Variants in PLEC observed in about 807,000 individuals in gnomAD.
The protein encoded by PLEC is hemidesmosomal protein 1.
Under a neutral mutation model 392.8 loss-of-function variants are expected in PLEC, and 216 were observed. That is an observed-to-expected ratio of 0.55 (90% CI 0.49 to 0.62). PLEC has a LOEUF of 0.62. Among genes scored for constraint, PLEC ranks in the 20% least tolerant of loss-of-function variants. PLEC has a pLI of 0.00. For synonymous variants in PLEC, 3,621 were observed against 2,980.6 expected, an observed-to-expected ratio of 1.21 and a Z score of -7.00; for missense variants, 6,863 against 6,563.4, an observed-to-expected ratio of 1.05 and a Z score of -1.58.
At chr8:143,933,723 C>A (rs1170819610) in intron 12 of PLEC, among the ~76,000 whole-genome samples, 7 of 152,342 alleles carry the variant, frequency 4.6e-5, no homozygotes, top group Non-Finnish European at 5.9e-5. Context: ...AACAGTAAGC[C>A]GCTGTCGGGG....
At chr8:143,954,168 T>C (rs1405584060), upstream of PLEC, among the ~76,000 whole-genome samples, 2 of 151,948 alleles carry the variant, frequency 1.3e-5, no homozygotes, top group East Asian at 1.9e-4. The surrounding 1 kb of genome is among the most constrained non-coding windows in gnomAD (Gnocchi z 4.6). Context: ...GCGAGGGCCT[T>C]GAAGCCGTTA....
At chr8:143,926,640 G>A in intron 30 of PLEC, 144 bp downstream of exon 30, 1 of 771,554 alleles carries the variant, frequency 1.3e-6, no homozygotes, top group Non-Finnish European at 2.3e-6. Context: ...AGGCTGAGCT[G>A]GGGGCAGGGG....
At chr8:143,948,487 C>T (rs1157364977) in intron 1 of PLEC, among the ~76,000 whole-genome samples, 1 of 152,190 alleles carries the variant, frequency 6.6e-6, no homozygotes, top group Non-Finnish European at 1.5e-5. Context: ...CACATCCGAG[C>T]CGCCTCCTTC....
In PLEC at chr8:143,924,645, C is replaced by A. The variant is rs886044802; in HGVS notation, c.5284G>T (p.Ala1762Ser). Residue 1762 changes from alanine to serine, a missense_variant, in exon 31 of 32, where the codon GCC (alanine) becomes TCC (serine). Coordinates refer to ENST00000345136, the MANE Select transcript of PLEC (RefSeq NM_201384.3). The part of the protein sequence containing the change: ...ELEAELAKVR[A>S]EMEVLLASKA... ...CTGGCCAGCAGCACCTCCATCTCGGCCCGCACCTTGGCCAGCTCGGCTTCC... is the reference window on the plus strand; with the variant it reads ...CTGGCCAGCAGCACCTCCATCTCGGACCGCACCTTGGCCAGCTCGGCTTCC... 3 of 1,537,768 alleles carry A rather than the reference C, an allele frequency of 2.0e-6. No homozygotes were observed. The Admixed American group carries it at 5.8e-5, about 30-fold the overall frequency.
rs782504063 is a variant in PLEC, at chr8:143,920,590, G to C, written c.9231C>G (p.Thr3077=). ...IIDPATSARL[T]VDEAVRAGLV... The stretch of plus-strand genomic sequence containing the variant: ...GGCCAGCACGCACTGCCTCGTCCAC[G>C]GTCAGCCGGGCGCTGGTGGCGGGGT... Residue 3077 remains threonine, a synonymous_variant, in exon 32 of 32, where the codon ACC becomes ACG. Coordinates refer to ENST00000345136, the MANE Select transcript of PLEC (RefSeq NM_201384.3). 1.2e-6 allele frequency: 2 copies of C among 1,610,144 alleles called. No individual in the cohort carries two copies. Among genetic ancestry groups the C allele is most frequent in the Admixed American group, 3.3e-5 (2 of 60,004 alleles).
chr8:143,919,135 C>G lies in PLEC; in HGVS notation c.10686G>C (p.Glu3562Asp). ...GTGTCTCTTCAAATGCCCTTCTTGTCTCCTCCTCAGTGTACACCTGCGTGG... is the reference window on the plus strand; with the variant it reads ...GTGTCTCTTCAAATGCCCTTCTTGTGTCCTCCTCAGTGTACACCTGCGTGG... ...VETTQVYTEE[E>D]TRRAFEETQI... Residue 3562 changes from glutamate to aspartate, a missense_variant, in exon 32 of 32, where the codon GAG becomes GAC. Physicochemically the swap from Glu to Asp is conservative, Grantham distance 45 (BLOSUM62 2). Coordinates refer to ENST00000345136, the MANE Select transcript of PLEC (RefSeq NM_201384.3). The G allele has an allele frequency of 6.2e-7, 1 of 1,613,314 alleles. No individual in the cohort carries two copies. Among genetic ancestry groups the G allele is most frequent in the Middle Eastern group, 1.6e-4 (1 of 6,062 alleles).
chr8:143,953,975 C>A, upstream of PLEC: 2 of 1,277,010 alleles, frequency 1.6e-6, no homozygotes, highest in Non-Finnish European at 2.0e-6. Context: ...CGCACCCCTC[C>A]CCCCCAGCCT....
chr8:143,919,916 C>G lies in PLEC; in HGVS notation c.9905G>C (p.Arg3302Thr). The change falls in exon 32 of 32, where the codon AGG becomes ACG. Residue 3302 changes from arginine to threonine, a missense_variant. Transcript: ENST00000345136. ...VEEVETLRQE[R>T]LSFSGLRAPV... ...GGCACGGAGGCCGCTGAAGGACAGC[C>G]TCTCCTGCCGCAGGGTCTCCACCTC... is the stretch of plus-strand genomic sequence containing the variant. 1 of 1,613,168 alleles carries G rather than the reference C, an allele frequency of 6.2e-7. No individual in the cohort carries two copies. Among genetic ancestry groups the G allele is most frequent in the Non-Finnish European group, 8.5e-7 (1 of 1,180,018 alleles).
intron 1 of PLEC, among the ~76,000 whole-genome samples, chr8:143,947,263 A>G (rs375801234): frequency 1.6e-4 from 25 of 152,230 alleles, no homozygotes; most frequent in South Asian, 1.0e-3. Context: ...GTAGAGGGGA[A>G]GTCATGGTGG....
chr8:143,923,752 C>T lies in PLEC; in HGVS notation c.6177G>A (p.Gln2059=). 5 of 1,553,242 alleles carry T rather than the reference C, an allele frequency of 3.2e-6. No homozygotes were observed. Among genetic ancestry groups the T allele is most frequent in the Non-Finnish European group, 4.3e-6 (5 of 1,156,482 alleles). Reference sequence around the variant, plus strand: ...TCTGCTGTAGCTCCTGCTCCTTCTGCTGCACCGCGAAGGCGTGTGCCTTCT... The same window carrying T: ...TCTGCTGTAGCTCCTGCTCCTTCTGTTGCACCGCGAAGGCGTGTGCCTTCT... The part of the protein sequence containing the change: ...AEEKAHAFAV[Q]QKEQELQQTL... Residue 2059 remains glutamine (Q), a synonymous_variant, in exon 31 of 32, where the codon CAG becomes CAA. Coordinates refer to ENST00000345136, the MANE Select transcript of PLEC (RefSeq NM_201384.3).
chr8:143,928,010 C>T lies in PLEC; in HGVS notation c.3261-18G>A. ...TCTTGAGCCTGGCGGGAAAGCGGGGCTCAGGGCCATGACATGGGGCTCGAG... is the reference window on the plus strand; with the variant it reads ...TCTTGAGCCTGGCGGGAAAGCGGGGTTCAGGGCCATGACATGGGGCTCGAG... On this transcript the variant is annotated intron_variant, in intron 25 of 31. Coordinates refer to ENST00000345136, the MANE Select transcript of PLEC (RefSeq NM_201384.3). 1 of 1,584,798 alleles carries T rather than the reference C, an allele frequency of 6.3e-7. No homozygotes were observed. The highest frequency in any genetic ancestry group is 8.6e-7 in the Non-Finnish European group (1 of 1,161,782).
upstream of PLEC, chr8:143,953,905 G>A: frequency 6.8e-7 from 1 of 1,480,028 alleles, no homozygotes; most frequent in South Asian, 1.4e-5. Flanking sequence ...CAGGGGCGGG[G>A]CTTCAGCTGA....
At chr8:143,927,370 G>C (rs782587067) in intron 27 of PLEC, 35 bp from the exon 28 acceptor site, 7 of 1,610,182 alleles carry the variant, frequency 4.3e-6, no homozygotes, top group Non-Finnish European at 5.1e-6. Flanking sequence ...GTGGCCGCAG[G>C]GCACGCCCAG....
Position 143,927,723 on chromosome 8 carries a change from G to A in PLEC, c.3443C>T (p.Ala1148Val). ...QAEAQQPTFD[A>V]LRDELRGAQE... ...TGCCCCCCGCAGCTCATCCCGCAGGGCGTCGAACGTGGGCTGCTGTGCCTC... is the reference window on the plus strand; with the variant it reads ...TGCCCCCCGCAGCTCATCCCGCAGGACGTCGAACGTGGGCTGCTGTGCCTC... The change falls in exon 27 of 32, where the codon GCC becomes GTC. Residue 1148 changes from alanine (A) to valine (V), a missense_variant. Coordinates refer to ENST00000345136, the MANE Select transcript of PLEC (RefSeq NM_201384.3). 1.3e-6 allele frequency: 2 copies of A among 1,593,638 alleles called. No homozygotes were observed. The highest frequency in any genetic ancestry group is 1.1e-5 in the South Asian group (1 of 88,828).
rs201184810 is a variant in PLEC, at chr8:143,921,591, G to A, written c.8230C>T (p.Arg2744Trp). The A allele has an allele frequency of 1.0e-4, 165 of 1,612,504 alleles. 1 individual carries two copies. The highest frequency in any genetic ancestry group is 7.5e-5 in the Non-Finnish European group (89 of 1,179,628). ...TCGTTGACGGTCAGCCGCCGGTTCC[G>A]CACAGGGTCCAGCAGGAAGCCTGAG... ...AASGFLLDPV[R>W]NRRLTVNEAV... The change falls in exon 32 of 32, where the codon CGG becomes TGG. Residue 2744 changes from arginine to tryptophan, a missense_variant. Arg to Trp is a moderately radical substitution (Grantham distance 101). Transcript: ENST00000345136.
chr8:143,958,170 G>C (rs1230151649), upstream of PLEC, among the ~76,000 whole-genome samples: 2 of 151,986 alleles, frequency 1.3e-5, no homozygotes, highest in Non-Finnish European at 2.9e-5. The surrounding 1 kb of genome is among the most constrained non-coding windows in gnomAD (Gnocchi z 4.9). Context: ...GGGACAGGTG[G>C]GAGGAGAGCC....
At position 143,924,492 on chromosome 8, in the gene PLEC, C is replaced by T. The variant is rs1759368213; in HGVS notation, c.5437G>A (p.Ala1813Thr). The change falls in exon 31 of 32, where the codon GCC becomes ACC. Residue 1813 changes from alanine (A) to threonine (T), a missense_variant. By Grantham distance (58) the Ala-to-Thr change is moderately conservative. Coordinates refer to ENST00000345136, the MANE Select transcript of PLEC (RefSeq NM_201384.3). ...AARLRALAEEAKRQRQLAEED... is the reference protein window; with the variant it reads ...AARLRALAEETKRQRQLAEED... ...TCGGCCAGCTGCCGCTGCCGCTTGG[C>T]CTCTTCCGCCAGGGCACGCAGGCGG... The T allele has an allele frequency of 1.9e-6, 3 of 1,545,512 alleles. No individual in the cohort carries two copies. Among genetic ancestry groups the T allele is most frequent in the South Asian group, 1.2e-5 (1 of 85,360 alleles).
intron 1 of PLEC, among the ~76,000 whole-genome samples, chr8:143,945,603 C>G (rs1831344321): frequency 6.6e-6 from 1 of 152,222 alleles, no homozygotes; most frequent in African/African-American, 2.4e-5. Context: ...TCAGCAAACC[C>G]CATGAAGTCC....
At chr8:143,947,058 C>T (rs1171269436) in intron 1 of PLEC, among the ~76,000 whole-genome samples, 2 of 152,240 alleles carry the variant, frequency 1.3e-5, no homozygotes, top group Non-Finnish European at 2.9e-5. Context: ...CGGCGATCTA[C>T]AGAAATCCCG....
Sources: allele counts gnomAD v4.1 joint callset (sites outside exome capture counted in the v4.1 genomes callset), GRCh38; gene constraint gnomAD v4.1.1; non-coding constraint Gnocchi (gnomAD v3.1); transcripts MANE v1.5; gene names NCBI Gene and HGNC (gene_info 2026-07-23, HGNC 2026-07-21).